The following DNAJC3 variants were observed in gnomAD, a reference collection of about 807,000 sequenced individuals.
The protein encoded by DNAJC3 is DnaJ heat shock protein family (Hsp40) member C3.
DNAJC3 carries 38 observed loss-of-function variants against 68.6 expected under a neutral mutation model. The observed-to-expected ratio is 0.55, with a 90% CI of 0.43 to 0.73. The LOEUF (loss-of-function observed/expected upper bound fraction) is 0.73, where lower values mean the gene tolerates loss of function less well. Ranked by LOEUF, DNAJC3 falls within the 30% of genes least tolerant of loss-of-function variation. The probability of loss-of-function intolerance (pLI) is 0.00; values close to 1 mark genes in which losing one functional copy is unlikely to be tolerated. For missense variants in DNAJC3, 526 were observed against 591.9 expected, an observed-to-expected ratio of 0.89 and a Z score of 1.16; for synonymous variants, 203 against 204.0, an observed-to-expected ratio of 1.00 and a Z score of 0.04.
intron 2 of DNAJC3, among the ~76,000 whole-genome samples, chr13:95,713,368 A>T (rs991527636): frequency 1.3e-5 from 2 of 151,934 alleles, no homozygotes; most frequent in Non-Finnish European, 2.9e-5. Context: ...TTTTGTAGCA[A>T]CAGAGTCTCT....
chr13:95,710,140 C>T (rs1566477332), intron 2 of DNAJC3, among the ~76,000 whole-genome samples: 1 of 152,078 alleles, frequency 6.6e-6, no homozygotes, highest in Non-Finnish European at 1.5e-5. Flanking sequence ...AACTGTCGTG[C>T]AGCTGCTCAT....
At chr13:95,779,435 A>G (rs1277165202) in intron 9 of DNAJC3, among the ~76,000 whole-genome samples, 6 of 152,088 alleles carry the variant, frequency 3.9e-5, no homozygotes, top group Admixed American at 2.0e-4. Flanking sequence ...AATATTTTCA[A>G]TTATATAGTT....
Position 95,788,353 on chromosome 13 carries a change from G to A in DNAJC3, c.1357+1198G>A, listed in dbSNP as rs17882865. On this transcript the variant is annotated intron_variant, in intron 11 of 11. Coordinates refer to ENST00000602402, the MANE Select transcript of DNAJC3 (RefSeq NM_006260.5). ...GATCTTCTTATGTGAGAGGGACTTT[G>A]TGCTACGTTTTAAGGTACCAGGGAG... Among the ~76,000 whole-genome samples, 512 of 152,336 alleles carry A rather than the reference G, an allele frequency of 3.4e-3. 4 individuals carry two copies. The highest frequency in any genetic ancestry group is 0.012 in the African/African-American group (485 of 41,580).
chr13:95,759,274 A>G lies in DNAJC3; in HGVS notation c.547-766A>G, dbSNP rs1324915564. 3.3e-5 allele frequency among the ~76,000 whole-genome samples: 5 copies of G among 152,150 alleles called. No homozygotes were observed. In the East Asian group the frequency reaches 9.7e-4, roughly 29 times the overall value. On this transcript the variant is annotated intron_variant, in intron 5 of 11. Coordinates refer to ENST00000602402, the MANE Select transcript of DNAJC3 (RefSeq NM_006260.5). ...TTTCTTTTTCTTGATATGAGGATTT[A>G]CTTTTAAGGCGGTGACATTTACAGA...
chr13:95,705,156 CTG>C (rs1880697930), intron 1 of DNAJC3, among the ~76,000 whole-genome samples: 1 of 152,124 alleles, frequency 6.6e-6, no homozygotes, highest in Non-Finnish European at 1.5e-5. Flanking sequence ...CTGGCCTAAT[CTG>C]TGTTTTTGAA....
chr13:95,788,473 A>G (rs1883667408), intron 11 of DNAJC3, among the ~76,000 whole-genome samples: 4 of 152,224 alleles, frequency 2.6e-5, no homozygotes, highest in Admixed American at 2.6e-4. Flanking sequence ...GTTCAGGATG[A>G]ACTATCTTTT....
At chr13:95,727,197 T>G (rs897529973) in intron 4 of DNAJC3, among the ~76,000 whole-genome samples, 1 of 152,178 alleles carries the variant, frequency 6.6e-6, no homozygotes, top group African/African-American at 2.4e-5. Flanking sequence ...TACTTAGGTT[T>G]TTTTTTTTTC....
chr13:95,716,723 G>A (rs1314824045), intron 2 of DNAJC3, among the ~76,000 whole-genome samples: 1 of 152,156 alleles, frequency 6.6e-6, no homozygotes, highest in Non-Finnish European at 1.5e-5. Context: ...CATCCACGTC[G>A]TTCTGCCATC....
intron 9 of DNAJC3, among the ~76,000 whole-genome samples, chr13:95,774,076 G>A (rs1265165565): frequency 4.6e-5 from 7 of 152,062 alleles, no homozygotes; most frequent in Admixed American, 6.6e-5. Flanking sequence ...ATTTGTTAAT[G>A]GTTTCTATGG....
At chr13:95,728,711 A>G (rs2139646452) in intron 4 of DNAJC3, among the ~76,000 whole-genome samples, 1 of 152,304 alleles carries the variant, frequency 6.6e-6, no homozygotes, top group Middle Eastern at 3.4e-3. Flanking sequence ...TGTATTTTTG[A>G]GGAACATGTG....
chr13:95,724,445 G>C (rs7318647), intron 3 of DNAJC3, among the ~76,000 whole-genome samples: 6,862 of 152,258 alleles, frequency 0.045, 300 homozygotes, highest in East Asian at 0.14. Context: ...GTGCATGTTA[G>C]AAGGGAAGAG....
chr13:95,696,948 A>G (rs777326325), intron 1 of DNAJC3, among the ~76,000 whole-genome samples: 1 of 151,972 alleles, frequency 6.6e-6, no homozygotes, highest in African/African-American at 2.4e-5. Flanking sequence ...GGTTTCACCG[A>G]GTTAGCCAGT....
chr13:95,736,657 T>G (rs2139653545), intron 4 of DNAJC3, among the ~76,000 whole-genome samples: 1 of 151,894 alleles, frequency 6.6e-6, no homozygotes, highest in South Asian at 2.1e-4. Context: ...TTTTGATTTT[T>G]GTACATTGAT....
At chr13:95,688,189 A>C (rs1293464850) in intron 1 of DNAJC3, among the ~76,000 whole-genome samples, 3 of 152,128 alleles carry the variant, frequency 2.0e-5, no homozygotes, top group Non-Finnish European at 4.4e-5. Flanking sequence ...TGGAGTCCTT[A>C]GGGTTTTTTA....
chr13:95,690,930 A>G (rs1202997030), intron 1 of DNAJC3, among the ~76,000 whole-genome samples: 1 of 56,674 alleles, frequency 1.8e-5, no homozygotes, highest in South Asian at 6.2e-4. Flanking sequence ...GACCCCCCCC[A>G]CCTCCCTCCC....
At position 95,709,113 on chromosome 13, in the gene DNAJC3, C is replaced by G. The variant is rs1024319074; in HGVS notation, c.83-114C>G. 6.0e-6 allele frequency: 4 copies of G among 670,856 alleles called. 1 individual carries two copies. The highest frequency in any genetic ancestry group is 1.9e-5 in the African/African-American group (1 of 52,724). The allele number at this position is 670,856 out of a possible 1,614,324, so 41.6% of individuals were successfully genotyped here. On this transcript the variant is annotated intron_variant, in intron 1 of 11. Transcript: ENST00000602402. ...TTACATCATTTTTCAGCTTCTGTGA[C>G]TTTTCTCATCTGAGTAGATGACTGA...
chr13:95,712,103 A>G (rs1402397266), intron 2 of DNAJC3, among the ~76,000 whole-genome samples: 1 of 152,236 alleles, frequency 6.6e-6, no homozygotes, highest in Non-Finnish European at 1.5e-5. Flanking sequence ...ACATTAAAAG[A>G]CTACAGGAGA....
intron 11 of DNAJC3, among the ~76,000 whole-genome samples, chr13:95,787,975 C>G (rs1883654167): frequency 6.6e-6 from 1 of 151,978 alleles, no homozygotes; most frequent in Admixed American, 6.5e-5. Context: ...CAGCTGTGAT[C>G]TGAGCTAAAC....
At chr13:95,735,061 A>G (rs1483607199) in intron 4 of DNAJC3, among the ~76,000 whole-genome samples, 1 of 150,232 alleles carries the variant, frequency 6.7e-6, no homozygotes, top group Non-Finnish European at 1.5e-5. Context: ...ATGAGTGAGA[A>G]CATGCAGTGT....
Sources: gnomAD v4.1 joint callset for allele counts (sites outside exome capture counted in the v4.1 genomes callset) on GRCh38, gnomAD v4.1.1 for gene constraint, MANE v1.5 for transcripts, NCBI Gene and HGNC (gene_info 2026-07-23, HGNC 2026-07-21) for gene names.